Variants in BACH2 observed in about 807,000 individuals in gnomAD.
The protein encoded by BACH2 is transcription regulator protein BACH2.
A neutral mutation model predicts 61.8 loss-of-function variants in BACH2; 5 were observed. That is an observed-to-expected ratio of 0.08 (90% confidence interval 0.04 to 0.17). BACH2 has a LOEUF of 0.17. Among genes scored for constraint, BACH2 ranks in the 10% least tolerant of loss-of-function variants. The probability of loss-of-function intolerance (pLI) is 1.00; values close to 1 mark genes in which losing one functional copy is unlikely to be tolerated. For synonymous variants in BACH2, 446 were observed against 440.1 expected (o/e 1.01, Z -0.17); for missense variants, 824 against 1,091.1 (o/e 0.76, Z 3.45).
chr6:90,216,856 A>G (rs1158549809), intron 3 of BACH2, among the ~76,000 whole-genome samples: 1 of 152,126 alleles, frequency 6.6e-6, no homozygotes, highest in Non-Finnish European at 1.5e-5. Context: ...GGTGAGACCA[A>G]TGATGCTACT....
intron 6 of BACH2, among the ~76,000 whole-genome samples, chr6:89,964,732 C>T (rs16882302): frequency 0.063 from 9,549 of 152,204 alleles, 392 homozygotes; most frequent in East Asian, 0.21. Flanking sequence ...TAATTCTGTA[C>T]ATGGGAATAG....
chr6:90,003,396 G>C (rs1192927590), intron 6 of BACH2, among the ~76,000 whole-genome samples: 1 of 152,124 alleles, frequency 6.6e-6, no homozygotes, highest in Admixed American at 6.6e-5. Flanking sequence ...CCCTTGAACA[G>C]GCTTTTCTTG....
At chr6:90,059,984 G>T (rs1352645068) in intron 5 of BACH2, among the ~76,000 whole-genome samples, 2 of 112,308 alleles carry the variant, frequency 1.8e-5, no homozygotes, top group Non-Finnish European at 1.8e-5. Flanking sequence ...GTGGGGTGGG[G>T]GGAGGGGGGA....
chr6:90,160,519 C>T lies in BACH2; in HGVS notation c.-162+46050G>A, dbSNP rs368047537. 1.3e-4 allele frequency among the ~76,000 whole-genome samples: 20 copies of T among 152,174 alleles called. No individual in the cohort carries two copies. The South Asian group carries it at 3.3e-3, about 25-fold the overall frequency. ...GAGGATCTAAGTACTAGAAGCAGCA[C>T]GTACAAAAATAGTTTTATTTTTACT... On this transcript the variant is annotated intron_variant, in intron 4 of 8. Coordinates refer to ENST00000257749, the MANE Select transcript of BACH2 (RefSeq NM_021813.4).
intron 1 of BACH2, among the ~76,000 whole-genome samples, chr6:90,272,878 A>G (rs1771572144): frequency 2.0e-5 from 3 of 151,920 alleles, no homozygotes; most frequent in Admixed American, 6.6e-5. Context: ...TACCCCTGCC[A>G]TTTTCATCTT....
At chr6:90,174,188 A>C (rs923123497) in intron 4 of BACH2, among the ~76,000 whole-genome samples, 3 of 152,100 alleles carry the variant, frequency 2.0e-5, no homozygotes, top group Non-Finnish European at 4.4e-5. Flanking sequence ...ACAAAATATT[A>C]GTAATTCAAA....
At chr6:89,937,227 G>T (rs1157181959) in intron 8 of BACH2, among the ~76,000 whole-genome samples, 1 of 152,104 alleles carries the variant, frequency 6.6e-6, no homozygotes, top group East Asian at 1.9e-4. Context: ...AGAATGTCAG[G>T]AGATCATCTC....
At chr6:90,196,613 C>T (rs1300370048) in intron 4 of BACH2, among the ~76,000 whole-genome samples, 1 of 152,154 alleles carries the variant, frequency 6.6e-6, no homozygotes, top group Non-Finnish European at 1.5e-5. Flanking sequence ...ACAAGAAACA[C>T]AGACATTGTT....
chr6:90,052,360 T>C (rs951473694), intron 5 of BACH2, among the ~76,000 whole-genome samples: 1 of 151,836 alleles, frequency 6.6e-6, no homozygotes, highest in Non-Finnish European at 1.5e-5. Context: ...TAAAACCTTA[T>C]CAATAGGTAG....
At chr6:90,035,239 A>G (rs1779205077) in intron 5 of BACH2, among the ~76,000 whole-genome samples, 1 of 152,124 alleles carries the variant, frequency 6.6e-6, no homozygotes, top group East Asian at 1.9e-4. Flanking sequence ...AAGTTCTATT[A>G]CATCCTGAGA....
intron 3 of BACH2, among the ~76,000 whole-genome samples, chr6:90,231,428 C>T (rs754372469): frequency 2.6e-5 from 4 of 152,144 alleles, no homozygotes; most frequent in Non-Finnish European, 5.9e-5. Context: ...CATGACCAAA[C>T]TGCAAATTCA....
At chr6:89,982,432 A>T (rs1423364254) in intron 6 of BACH2, among the ~76,000 whole-genome samples, 1 of 152,192 alleles carries the variant, frequency 6.6e-6, no homozygotes, top group Non-Finnish European at 1.5e-5. Flanking sequence ...AGGTACTAGA[A>T]AAAGGCTGTG....
chr6:90,008,913 G>A lies in BACH2; in HGVS notation c.-12-57C>T, dbSNP rs1404501622. 6.3e-7 allele frequency: 1 copy of A among 1,582,492 alleles called. No homozygotes were observed. The highest frequency in any genetic ancestry group is 1.1e-5 in the South Asian group (1 of 87,418). The stretch of plus-strand genomic sequence containing the variant: ...AAAGAAAGGCTGAGTCACCACAGCT[G>A]TAGGATCAGAGAGAGGAGGTGAGAA... On this transcript the variant is annotated intron_variant, in intron 5 of 8. Transcript: ENST00000257749. The surrounding 1 kb of genome is among the most constrained non-coding windows in gnomAD (Gnocchi z 4.1).
intron 3 of BACH2, among the ~76,000 whole-genome samples, chr6:90,236,797 C>T (rs566626302): frequency 6.6e-6 from 1 of 152,306 alleles, no homozygotes; most frequent in South Asian, 2.1e-4. Flanking sequence ...CTGTGCCTGT[C>T]ACTGTTCAGC....
At chr6:90,046,547 C>T (rs1329305323) in intron 5 of BACH2, among the ~76,000 whole-genome samples, 1 of 152,192 alleles carries the variant, frequency 6.6e-6, no homozygotes, top group Non-Finnish European at 1.5e-5. Flanking sequence ...GGTACACCTC[C>T]TCCCCAAAAG....
chr6:89,988,109 G>C (rs1776342231), intron 6 of BACH2, among the ~76,000 whole-genome samples: 1 of 152,174 alleles, frequency 6.6e-6, no homozygotes, highest in Non-Finnish European at 1.5e-5. Flanking sequence ...TTGATAGGAT[G>C]AAATAGAAGG....
At chr6:89,947,502 A>G (rs543980763) in intron 7 of BACH2, among the ~76,000 whole-genome samples, 63 of 152,254 alleles carry the variant, frequency 4.1e-4, no homozygotes, top group African/African-American at 1.4e-3. Context: ...GTTTTCCAAA[A>G]TGGCATAGAG....
rs563213347 is a variant in BACH2, at chr6:89,940,393, C to T, written c.1837-2043G>A. On this transcript the variant is annotated intron_variant, in intron 7 of 8. Transcript: ENST00000257749. ...GCGGAAGGTGAGCAGCAAACCACTA[C>T]TCTATCTCAAGAGCCTCCTTGGCAC... Among the ~76,000 whole-genome samples the T allele has an allele frequency of 6.6e-5, 10 of 152,334 alleles. 1 individual carries two copies. In the South Asian group the frequency reaches 1.9e-3, roughly 28 times the overall value.
At chr6:90,120,158 T>C (rs1189360388) in intron 4 of BACH2, among the ~76,000 whole-genome samples, 1 of 152,214 alleles carries the variant, frequency 6.6e-6, no homozygotes, top group Non-Finnish European at 1.5e-5. Flanking sequence ...GCTTATTCAT[T>C]AAGGCCTCAC....
Sources: gnomAD v4.1 joint callset for allele counts (sites outside exome capture counted in the v4.1 genomes callset) on GRCh38, gnomAD v4.1.1 for gene constraint, Gnocchi (gnomAD v3.1) non-coding constraint, MANE v1.5 for transcripts, NCBI Gene and HGNC (gene_info 2026-07-23, HGNC 2026-07-21) for gene names.